LY6S: variants seen among roughly 807,000 people sequenced by gnomAD.
LY6S encodes lymphocyte antigen 6 family member S, also known as lymphocyte antigen 6S.
chr8:143,072,621 G>A, the LY6S span, among the ~76,000 whole-genome samples: 14 of 88,442 alleles, frequency 1.6e-4, no homozygotes, highest in East Asian at 5.6e-4. Context: ...CGTCCTCGGG[G>A]TTCCTGTTTG....
chr8:143,057,586 C>T, the LY6S span: 20 of 1,289,762 alleles, frequency 1.6e-5, no homozygotes, highest in South Asian at 8.3e-5. Flanking sequence ...GTTTATCATC[C>T]TCATGCTGAA....
chr8:143,069,224 C>T, the LY6S span, among the ~76,000 whole-genome samples: 1 of 152,228 alleles, frequency 6.6e-6, no homozygotes, highest in African/African-American at 2.4e-5. Context: ...AAAGTCCAGA[C>T]GCTTCCGCAG....
At chr8:143,070,335 T>A in the LY6S span, among the ~76,000 whole-genome samples, 1 of 145,258 alleles carries the variant, frequency 6.9e-6, no homozygotes, top group Non-Finnish European at 1.5e-5. Flanking sequence ...AGTTCAGCCA[T>A]AACAAGTGCC....
the LY6S span, among the ~76,000 whole-genome samples, chr8:143,044,391 C>A: frequency 6.6e-6 from 1 of 152,084 alleles, no homozygotes; most frequent in African/African-American, 2.4e-5. Context: ...GTAATGAGGG[C>A]CCTGTGGGCG....
the LY6S span, among the ~76,000 whole-genome samples, chr8:143,058,540 G>A: frequency 1.1e-4 from 17 of 152,362 alleles, no homozygotes; most frequent in Non-Finnish European, 2.1e-4. Flanking sequence ...GCAGAGCCAG[G>A]TGTACAGGAT....
the LY6S span, among the ~76,000 whole-genome samples, chr8:143,067,211 A>C: frequency 5.9e-5 from 9 of 152,372 alleles, no homozygotes; most frequent in South Asian, 8.3e-4. Flanking sequence ...TCTACGTAGA[A>C]AAGGAAGACA....
At chr8:143,040,969 G>A in the LY6S span, among the ~76,000 whole-genome samples, 1 of 152,122 alleles carries the variant, frequency 6.6e-6, no homozygotes, top group Admixed American at 6.6e-5. Flanking sequence ...AATAGGATGT[G>A]GGTCACAGAG....
chr8:143,070,489 A>ATTTTTTTTTTTTTTTTTTTT, the LY6S span, among the ~76,000 whole-genome samples: 9 of 81,688 alleles, frequency 1.1e-4, no homozygotes, highest in Non-Finnish European at 1.6e-4. Flanking sequence ...ATATATATAT[A>ATTTTTTTTTTTTTTTTTTTT]TTTTTTTTTT....
chr8:143,044,942 C>G, the LY6S span: 1 of 829,608 alleles, frequency 1.2e-6, no homozygotes, highest in Non-Finnish European at 1.6e-6. Flanking sequence ...TGCAATAGCC[C>G]CACACACCTG....
chr8:143,044,697 C>A, the LY6S span: 1 of 1,367,576 alleles, frequency 7.3e-7, no homozygotes, highest in Non-Finnish European at 9.8e-7. Context: ...CAAAGACGCT[C>A]ACTTTCTGGG....
At chr8:143,065,383 A>G in the LY6S span, among the ~76,000 whole-genome samples, 1 of 152,118 alleles carries the variant, frequency 6.6e-6, no homozygotes, top group African/African-American at 2.4e-5. Flanking sequence ...CCTTTTCTTC[A>G]GCATCCTCGT....
the LY6S span, among the ~76,000 whole-genome samples, chr8:143,058,523 C>T: frequency 5.3e-5 from 8 of 152,240 alleles, no homozygotes; most frequent in Admixed American, 2.0e-4. Context: ...CTACTGCTAT[C>T]TAGAAGGCAG....
chr8:143,051,696 G>A, the LY6S span, among the ~76,000 whole-genome samples: 1 of 152,024 alleles, frequency 6.6e-6, no homozygotes, highest in Non-Finnish European at 1.5e-5. Context: ...TCCCAGCTGG[G>A]CACAGTGGCT....
chr8:143,045,717 G>A, the LY6S span, among the ~76,000 whole-genome samples: 3 of 152,156 alleles, frequency 2.0e-5, no homozygotes, highest in Admixed American at 6.6e-5. This position sits in a 1 kb window ranked among gnomAD's most constrained non-coding sequence, Gnocchi z 5.3. Flanking sequence ...AGAGGAAGGT[G>A]GGGCAGGGAG....
At chr8:143,070,487 A>ATTTTTTT in the LY6S span, among the ~76,000 whole-genome samples, 10 of 84,062 alleles carry the variant, frequency 1.2e-4, no homozygotes, top group African/African-American at 7.6e-4. Context: ...ATATATATAT[A>ATTTTTTT]TATTTTTTTT....
chr8:143,070,449 TATATATATATATATAATATATATATAA>T, the LY6S span, among the ~76,000 whole-genome samples: 28 of 25,022 alleles, frequency 1.1e-3, no homozygotes, highest in African/African-American at 4.1e-3. Flanking sequence ...ATATATTGTA[TATATATATATATATAATATATATATAA>T]ATATATATAT....
At chr8:143,041,092 C>T in the LY6S span, among the ~76,000 whole-genome samples, 6 of 152,286 alleles carry the variant, frequency 3.9e-5, no homozygotes, top group African/African-American at 1.2e-4. Flanking sequence ...TTTGGGCACA[C>T]ATTGTCATTG....
chr8:143,071,927 G>C, the LY6S span, among the ~76,000 whole-genome samples: 5 of 152,176 alleles, frequency 3.3e-5, no homozygotes, highest in Non-Finnish European at 7.4e-5. Flanking sequence ...GGTTACAACA[G>C]AAAATCCAGC....
chr8:143,057,759 C>T, the LY6S span: 2 of 786,656 alleles, frequency 2.5e-6, no homozygotes, highest in South Asian at 1.3e-5. Context: ...ATCTGATCAG[C>T]TCTATCTAGG....
Sources: allele counts gnomAD v4.1 joint callset (sites outside exome capture counted in the v4.1 genomes callset), GRCh38; gene constraint gnomAD v4.1.1; non-coding constraint Gnocchi (gnomAD v3.1); transcripts MANE v1.5; gene names NCBI Gene and HGNC (gene_info 2026-07-23, HGNC 2026-07-21).